Variants in DOCK7 observed in about 807,000 individuals in gnomAD.
DOCK7 encodes dedicator of cytokinesis 7, also known as dedicator of cytokinesis protein 7.
Under a neutral mutation model 271.0 loss-of-function variants are expected in DOCK7, and 138 were observed. The observed-to-expected ratio is 0.51, with a 90% CI of 0.44 to 0.59. The LOEUF (loss-of-function observed/expected upper bound fraction) is 0.59, where lower values mean the gene tolerates loss of function less well. DOCK7 is among the 20% of genes least tolerant of loss of function. DOCK7 has a pLI of 0.00. For synonymous variants in DOCK7, 823 were observed against 876.1 expected (o/e 0.94, Z 1.07); for missense variants, 2,066 against 2,592.4 (o/e 0.80, Z 4.41).
chr1:62,505,630 T>C, intron 36 of DOCK7, 52 bp downstream of exon 36: 2 of 1,559,256 alleles, frequency 1.3e-6, no homozygotes, highest in South Asian at 2.5e-5. Context: ...TCTTAGACAA[T>C]GTTAATAAAA....
intron 7 of DOCK7, among the ~76,000 whole-genome samples, chr1:62,639,579 C>T (rs1488387699): frequency 2.6e-5 from 4 of 151,494 alleles, no homozygotes; most frequent in African/African-American, 9.7e-5. Flanking sequence ...GGATTACAGG[C>T]GCATGCCACC....
intron 21 of DOCK7, among the ~76,000 whole-genome samples, chr1:62,553,310 TTTTATATATATATATA>T (rs1645981176): frequency 1.2e-4 from 1 of 8,164 alleles, no homozygotes; most frequent in African/African-American, 3.2e-4. Context: ...ATAAAAAGTA[TTTTATATATATATATA>T]TATATATATA....
At chr1:62,628,051 G>A (rs1316946978) in intron 11 of DOCK7, 1 of 152,148 alleles carries the variant, frequency 6.6e-6, no homozygotes, top group Non-Finnish European at 1.5e-5. Flanking sequence ...TGGTTTCATG[G>A]AAAAAAATTT....
chr1:62,600,898 C>T, intron 14 of DOCK7: 3 of 509,410 alleles, frequency 5.9e-6, no homozygotes, highest in Non-Finnish European at 1.1e-5. Flanking sequence ...AATAATGTCC[C>T]TGATTAAATA....
intron 18 of DOCK7, among the ~76,000 whole-genome samples, chr1:62,571,218 A>C (rs1277136996): frequency 6.6e-6 from 1 of 152,212 alleles, no homozygotes; most frequent in East Asian, 1.9e-4. Context: ...AGAAAAAAAC[A>C]ACCCCATTAA....
intron 46 of DOCK7, 70 bp from the exon 47 acceptor site, chr1:62,475,421 AACTG>A: frequency 6.7e-7 from 1 of 1,482,890 alleles, no homozygotes. Context: ...ATGTATAATC[AACTG>A]AAATTAGAAA....
At position 62,489,142 on chromosome 1, in the gene DOCK7, A is replaced by G. The variant is rs1472780899; in HGVS notation, c.5362-77T>C. 1.2e-5 allele frequency: 16 copies of G among 1,362,172 alleles called. No individual in the cohort carries two copies. The Admixed American group carries it at 1.3e-4, about 11-fold the overall frequency. 84.4% of individuals were successfully genotyped at this position (1,362,172 alleles called of 1,614,324 possible). ...AGAAAAGTAATTATATGAATTCGCA[A>G]TATTTCTATTAAGATAATACACTGA... On this transcript the variant is annotated intron_variant, in intron 41 of 49. Coordinates refer to ENST00000635253, the MANE Select transcript of DOCK7 (RefSeq NM_001367561.1).
At chr1:62,509,014 T>C (rs1644400926) in intron 34 of DOCK7, among the ~76,000 whole-genome samples, 1 of 152,178 alleles carries the variant, frequency 6.6e-6, no homozygotes, top group African/African-American at 2.4e-5. Flanking sequence ...GTCTTTATTA[T>C]TACCACTAAA....
intron 1 of DOCK7, among the ~76,000 whole-genome samples, chr1:62,671,497 T>C (rs1444449020): frequency 6.6e-6 from 1 of 151,988 alleles, no homozygotes; most frequent in Non-Finnish European, 1.5e-5. Context: ...GAGAAACAGA[T>C]ATAAGAATTT....
intron 7 of DOCK7, 41 bp from the exon 8 acceptor site, chr1:62,636,644 T>C (rs767678264): frequency 6.8e-5 from 100 of 1,476,256 alleles, no homozygotes; most frequent in Admixed American, 5.1e-4. Flanking sequence ...AAGATAAACA[T>C]GAAATACACA....
At chr1:62,544,021 T>C (rs1006586698) in intron 23 of DOCK7, among the ~76,000 whole-genome samples, 2 of 152,164 alleles carry the variant, frequency 1.3e-5, no homozygotes, top group South Asian at 2.1e-4. Context: ...ATGAAACTTT[T>C]ATCTGTGTGA....
chr1:62,653,200 C>T (rs750425024), intron 4 of DOCK7, among the ~76,000 whole-genome samples: 1 of 152,100 alleles, frequency 6.6e-6, no homozygotes, highest in Non-Finnish European at 1.5e-5. Flanking sequence ...ATCTGACTTG[C>T]TATTGCACAG....
chr1:62,596,863 T>G (rs1649331363), intron 14 of DOCK7, among the ~76,000 whole-genome samples: 1 of 151,910 alleles, frequency 6.6e-6, no homozygotes, highest in African/African-American at 2.4e-5. Context: ...CAGAACACAG[T>G]GGAGAAAAGG....
At chr1:62,573,335 T>C (rs1369757186) in intron 18 of DOCK7, among the ~76,000 whole-genome samples, 1 of 152,170 alleles carries the variant, frequency 6.6e-6, no homozygotes, top group African/African-American at 2.4e-5. Flanking sequence ...AAAGACCAAA[T>C]CATTCAGAGA....
At chr1:62,604,004 A>C in intron 14 of DOCK7, 1 of 1,613,106 alleles carries the variant, frequency 6.2e-7, no homozygotes, top group Non-Finnish European at 8.5e-7. Context: ...GATATACTCC[A>C]TAGTGAAGCA....
At chr1:62,535,657 G>C (rs781710939) in intron 28 of DOCK7, 25 bp from the exon 29 acceptor site, 1 of 1,607,968 alleles carries the variant, frequency 6.2e-7, no homozygotes, top group Non-Finnish European at 8.5e-7. Flanking sequence ...GGCAGAACAA[G>C]ACTATAACAG....
intron 8 of DOCK7, among the ~76,000 whole-genome samples, chr1:62,636,054 C>G (rs1366678196): frequency 6.6e-6 from 1 of 152,198 alleles, no homozygotes; most frequent in Non-Finnish European, 1.5e-5. Context: ...AGATCGAGAT[C>G]ATCCTGGCTA....
chr1:62,505,923 A>G, intron 35 of DOCK7, 107 bp from the exon 36 acceptor site: 3 of 1,049,226 alleles, frequency 2.9e-6, no homozygotes, highest in Non-Finnish European at 3.9e-6. Flanking sequence ...ATGTATAAGT[A>G]AAGTTTTAAA....
intron 48 of DOCK7, among the ~76,000 whole-genome samples, chr1:62,464,183 C>T (rs1182852774): frequency 6.6e-6 from 1 of 151,872 alleles, no homozygotes; most frequent in Non-Finnish European, 1.5e-5. Context: ...CCTCAGCCTC[C>T]CGAGTAGCTA....
Sources: allele counts gnomAD v4.1 joint callset (sites outside exome capture counted in the v4.1 genomes callset), GRCh38; gene constraint gnomAD v4.1.1; transcripts MANE v1.5; gene names NCBI Gene and HGNC (gene_info 2026-07-23, HGNC 2026-07-21).